The following MYO5C variants were observed in gnomAD, a reference collection of about 807,000 sequenced individuals.
MYO5C encodes unconventional myosin-Vc.
Under a neutral mutation model 235.7 loss-of-function variants are expected in MYO5C, and 194 were observed. The observed-to-expected ratio is 0.82, with a 90% CI of 0.73 to 0.93. The LOEUF (loss-of-function observed/expected upper bound fraction) is 0.93, where lower values mean the gene tolerates loss of function less well. Ranked by LOEUF, MYO5C falls within the 40% of genes least tolerant of loss-of-function variation. The pLI, the probability that MYO5C is intolerant of heterozygous loss-of-function variation, is 0.00. For synonymous variants in MYO5C, 707 were observed against 754.8 expected (o/e 0.94, Z 1.04); for missense variants, 2,038 against 2,127.2 (o/e 0.96, Z 0.82).
At chr15:52,196,905 TCACTAATTGC>T (rs2035065172) in intron 38 of MYO5C, among the ~76,000 whole-genome samples, 1 of 152,242 alleles carries the variant, frequency 6.6e-6, no homozygotes, top group African/African-American at 2.4e-5. Flanking sequence ...CTTATTTCTG[TCACTAATTGC>T]CACATGGGTT....
intron 22 of MYO5C, 148 bp downstream of exon 22, chr15:52,237,334 A>G: frequency 1.1e-6 from 1 of 926,112 alleles, no homozygotes; most frequent in South Asian, 1.8e-5. Context: ...CGCCTTTCCT[A>G]AAAGGTAGGC....
At chr15:52,196,773 A>G (rs1013071568) in intron 38 of MYO5C, among the ~76,000 whole-genome samples, 1 of 152,270 alleles carries the variant, frequency 6.6e-6, no homozygotes, top group African/African-American at 2.4e-5. Flanking sequence ...AATTGATTAA[A>G]GGAAAGAAAC....
chr15:52,226,992 A>G (rs1342897583), intron 25 of MYO5C, among the ~76,000 whole-genome samples: 1 of 151,940 alleles, frequency 6.6e-6, no homozygotes, highest in African/African-American at 2.4e-5. Context: ...TACTAAAAAT[A>G]CAAAAAAAAA....
rs1401202578 is a variant in MYO5C at position 52,193,025 on chromosome 15, A to G, written c.*877T>C. 1 of 152,178 alleles carries G rather than the reference A, an allele frequency of 6.6e-6. No individual in the cohort carries two copies. The highest frequency in any genetic ancestry group is 1.5e-5 in the Non-Finnish European group (1 of 68,026). The allele number at this position is 152,178 out of a possible 1,614,324, so 9.4% of individuals were successfully genotyped here. A position where few individuals can be genotyped will look rare whatever the true frequency, so the allele number is the denominator to read the frequency against. On this transcript the variant is annotated 3_prime_UTR_variant, in exon 41 of 41. Transcript: ENST00000261839. ...CTCGGATTGAACACTCTTAAAAATT[A>G]AAAGGGTCAGCCGGGCGCGGTGGCA... is the stretch of plus-strand genomic sequence containing the variant.
Position 52,275,705 on chromosome 15 carries a change from G to A in MYO5C, c.463C>T (p.Gln155Ter), listed in dbSNP as rs199953816. The A allele has an allele frequency of 1.5e-5, 25 of 1,613,990 alleles. No individual in the cohort carries two copies. Among genetic ancestry groups the A allele is most frequent in the Non-Finnish European group, 2.1e-5 (25 of 1,180,006 alleles). ...GACTCCCCACTTACAATTATGGACT[G>A]GTTTCTGTTGTTTCTAAAGCAAATA... ...YKQMARNNRN[Q>*]SIIVSGESGA... Residue 155 changes from glutamine (Q) to a stop codon, truncating the protein, a stop_gained, in exon 5 of 41, where the codon CAG becomes TAG. Coordinates refer to ENST00000261839, the MANE Select transcript of MYO5C (RefSeq NM_018728.4). LOFTEE classifies it high-confidence loss of function.
Position 52,247,469 on chromosome 15 carries a change from C to T in MYO5C, c.1870G>A (p.Val624Ile). ...KPNSKHFRTT[V>I]GSKFRSSLYL... ...CACCTTCTCAGTACCTTGCTCCCAA[C>T]TGTGGTCCGGAAATGCTTGCTGTTT... is the stretch of plus-strand genomic sequence containing the variant. Residue 624 changes from valine (V) to isoleucine (I), a missense_variant, in exon 15 of 41, where the codon GTT becomes ATT. Physicochemically the swap from Val to Ile is conservative, Grantham distance 29. Coordinates refer to ENST00000261839, the MANE Select transcript of MYO5C (RefSeq NM_018728.4). 3.1e-6 allele frequency: 5 copies of T among 1,614,168 alleles called. No homozygotes were observed. Among genetic ancestry groups the T allele is most frequent in the Non-Finnish European group, 4.2e-6 (5 of 1,180,012 alleles).
intron 13 of MYO5C, 88 bp from the exon 14 acceptor site, chr15:52,248,871 T>G: frequency 1.0e-6 from 1 of 962,120 alleles, no homozygotes; most frequent in Non-Finnish European, 1.6e-6. Context: ...TAAGAAAGAT[T>G]AATAAAAAAG....
chr15:52,246,693 T>C (rs953407412), intron 16 of MYO5C, among the ~76,000 whole-genome samples: 4 of 152,176 alleles, frequency 2.6e-5, no homozygotes, highest in African/African-American at 7.2e-5. Context: ...ACTTTAGTTG[T>C]AGAAGATTCT....
chr15:52,222,274 C>T (rs866257518), intron 29 of MYO5C, among the ~76,000 whole-genome samples: 1 of 152,164 alleles, frequency 6.6e-6, no homozygotes, highest in Non-Finnish European at 1.5e-5. Context: ...ACTGCAAATT[C>T]CTCATTAAAG....
In MYO5C at chr15:52,225,459, G is replaced by A. The variant is rs2035799348; in HGVS notation, c.3281C>T (p.Ser1094Leu). 6.2e-7 allele frequency: 1 copy of A among 1,613,340 alleles called. No homozygotes were observed. The highest frequency in any genetic ancestry group is 8.5e-7 in the Non-Finnish European group (1 of 1,179,560). ...ATTACCTCTCATTTCCCGTTTTTGT[G>A]ACTGCACATGTTTCTCCACATCTAT... ...QKIDVEKHVQ[S>L]QKREMREKMS... is the part of the protein sequence containing the mutation. Residue 1094 changes from serine to leucine, a missense_variant, in exon 26 of 41, where the codon TCA (serine) becomes TTA (leucine). Transcript: ENST00000261839.
chr15:52,294,783 C>T (rs373270423), intron 1 of MYO5C, among the ~76,000 whole-genome samples: 32 of 152,082 alleles, frequency 2.1e-4, no homozygotes, highest in Middle Eastern at 3.4e-3. Flanking sequence ...TATGTGGGAA[C>T]GCTGCCCTTC....
At position 52,295,600 on chromosome 15, in the gene MYO5C, A is replaced by G; in HGVS notation, c.27+10T>C. 1 of 1,498,088 alleles carries G rather than the reference A, an allele frequency of 6.7e-7. No individual in the cohort carries two copies. The highest frequency in any genetic ancestry group is 1.3e-5 in the South Asian group (1 of 79,148). 92.8% of individuals were successfully genotyped at this position (1,498,088 alleles called of 1,614,324 possible). A position where few individuals can be genotyped will look rare whatever the true frequency, so the allele number is the denominator to read the frequency against. ...CACAGCGCTCCCAGGAGCCCAGCGG[A>G]CCCTCCTACCTGCGTGTACAGCTCG... On this transcript the variant is annotated intron_variant, in intron 1 of 40. Transcript: ENST00000261839.
At chr15:52,206,986 A>T (rs971712514) in intron 36 of MYO5C, among the ~76,000 whole-genome samples, 5 of 152,122 alleles carry the variant, frequency 3.3e-5, no homozygotes, top group African/African-American at 1.2e-4. Flanking sequence ...TACAAAAATT[A>T]ACCGGGCATG....
chr15:52,208,791 G>A (rs867646951), intron 35 of MYO5C, 148 bp from the exon 36 acceptor site: 6 of 589,592 alleles, frequency 1.0e-5, no homozygotes, highest in African/African-American at 3.7e-5. Flanking sequence ...ATACTTATAA[G>A]AACTTATATT....
At position 52,192,562 on chromosome 15, in the gene MYO5C, G is replaced by C. The variant is rs923070314; in HGVS notation, c.*1340C>G. Reference sequence around the variant, plus strand: ...ACAGAAGGTGCAATTGGGATTCTTAGGTTGGTGACAGAATAGCACTGGATC... The same window carrying C: ...ACAGAAGGTGCAATTGGGATTCTTACGTTGGTGACAGAATAGCACTGGATC... On this transcript the variant is annotated 3_prime_UTR_variant, in exon 41 of 41. Transcript: ENST00000261839. 6.6e-6 allele frequency: 1 copy of C among 152,162 alleles called. No individual in the cohort carries two copies. 9.4% of individuals were successfully genotyped at this position (152,162 alleles called of 1,614,324 possible).
intron 1 of MYO5C, among the ~76,000 whole-genome samples, chr15:52,295,277 G>C (rs1486872542): frequency 1.3e-5 from 2 of 152,238 alleles, no homozygotes; most frequent in African/African-American, 4.8e-5. Flanking sequence ...CTGGGCACTG[G>C]GGATTCTAGG....
Position 52,275,600 on chromosome 15 carries a change from C to G in MYO5C, c.568G>C (p.Val190Leu), listed in dbSNP as rs754009077. Residue 190 changes from valine to leucine, a missense_variant, in exon 5 of 41, where the codon GTG becomes CTG. By Grantham distance (32) the Val-to-Leu change is conservative. Transcript: ENST00000261839. ...TTGGATGCCAGGACCTTGTCTTCCACGTGAGCGTTGCTGCCCGATTTGCTG... is the reference window on the plus strand; with the variant it reads ...TTGGATGCCAGGACCTTGTCTTCCAGGTGAGCGTTGCTGCCCGATTTGCTG... ...TVSKSGSNAHVEDKVLASNPI... is the reference protein window; with the variant it reads ...TVSKSGSNAHLEDKVLASNPI... 6.2e-7 allele frequency: 1 copy of G among 1,614,228 alleles called. No individual in the cohort carries two copies. Among genetic ancestry groups the G allele is most frequent in the Non-Finnish European group, 8.5e-7 (1 of 1,180,040 alleles).
chr15:52,204,932 C>G lies in MYO5C; in HGVS notation c.4753G>C (p.Ala1585Pro), dbSNP rs970721209. 1 of 1,614,234 alleles carries G rather than the reference C, an allele frequency of 6.2e-7. No individual in the cohort carries two copies. The highest frequency in any genetic ancestry group is 1.3e-5 in the African/African-American group (1 of 75,078). Residue 1585 changes from alanine to proline, a missense_variant, in exon 38 of 41, where the codon GCG becomes CCG. By Grantham distance (27) the Ala-to-Pro change is conservative. Coordinates refer to ENST00000261839, the MANE Select transcript of MYO5C (RefSeq NM_018728.4). ...AGGAAGAGGCTGTTCAGCGTGACCG[C>G]CCCGATCAAGAAGAAGAGCTGCTTC... ...AVKQLFFLIG[A>P]VTLNSLFLRK...
At chr15:52,225,310 A>G in intron 26 of MYO5C, 129 bp downstream of exon 26, 1 of 1,049,740 alleles carries the variant, frequency 9.5e-7, no homozygotes, top group South Asian at 1.3e-5. Flanking sequence ...TAGCTATTCA[A>G]CCTATCAACT....
Sources: allele counts gnomAD v4.1 joint callset (sites outside exome capture counted in the v4.1 genomes callset), GRCh38; gene constraint gnomAD v4.1.1; transcripts MANE v1.5; gene names NCBI Gene and HGNC (gene_info 2026-07-23, HGNC 2026-07-21).